PPP1R14C: variants seen among roughly 807,000 people sequenced by gnomAD.
The protein encoded by PPP1R14C is protein phosphatase 1 regulatory inhibitor subunit 14C, also known as protein phosphatase 1 regulatory subunit 14C.
A neutral mutation model predicts 20.4 loss-of-function variants in PPP1R14C; 16 were observed. The observed-to-expected ratio is 0.78, with a 90% CI of 0.53 to 1.19. The LOEUF is 1.19. PPP1R14C is among the 50% of genes most tolerant of loss of function. The probability of loss-of-function intolerance (pLI) is 0.00; values close to 1 mark genes in which losing one functional copy is unlikely to be tolerated. For synonymous variants in PPP1R14C, 91 were observed against 91.0 expected (o/e 1.00, Z 0.00); for missense variants, 211 against 220.1 (o/e 0.96, Z 0.26).
intron 3 of PPP1R14C, among the ~76,000 whole-genome samples, chr6:150,226,082 A>G (rs1287771650): frequency 6.7e-6 from 1 of 148,992 alleles, no homozygotes; most frequent in African/African-American, 2.5e-5. Flanking sequence ...CCCCATTTTG[A>G]TTCATATTCA....
intron 3 of PPP1R14C, among the ~76,000 whole-genome samples, chr6:150,247,023 A>T (rs1778500827): frequency 6.6e-6 from 1 of 152,198 alleles, no homozygotes; most frequent in South Asian, 2.1e-4. Flanking sequence ...CAGGTTTTCT[A>T]GAAAAAACAC....
In PPP1R14C at chr6:150,160,431, A is replaced by AT. The variant is rs71010884; in HGVS notation, c.306+16948dup. 4.8e-3 allele frequency among the ~76,000 whole-genome samples: 690 copies of AT among 142,776 alleles called. 5 individuals carry two copies. Among genetic ancestry groups the AT allele is most frequent in the Non-Finnish European group, 6.3e-3 (414 of 65,516 alleles). 93.7% of individuals were successfully genotyped at this position (142,776 alleles called of 152,430 possible). ...AGGTGCCGACCACCACACCCAGCTAATTTTTTTTTTTTTTTGTATTTTTAG... is the reference window on the plus strand; with the variant it reads ...AGGTGCCGACCACCACACCCAGCTAATTTTTTTTTTTTTTTTGTATTTTTAG... On this transcript the variant is annotated intron_variant, in intron 1 of 3. Transcript: ENST00000361131.
In PPP1R14C at chr6:150,143,086, C is replaced by T. The variant is rs1226166458; in HGVS notation, c.-107C>T. On this transcript the variant is annotated 5_prime_UTR_variant, in exon 1 of 4. Transcript: ENST00000361131. The surrounding 1 kb of genome is among the most constrained non-coding windows in gnomAD (Gnocchi z 5.6). ...GGGCGCGCGCGGCGCAGAGCAGGTG[C>T]CGGGGAGCCCTTCGCATGCGGCTGC... The T allele has an allele frequency of 3.6e-6, 4 of 1,117,860 alleles. No homozygotes were observed. Among genetic ancestry groups the T allele is most frequent in the Admixed American group, 5.0e-5 (1 of 20,088 alleles). The allele number at this position is 1,117,860 out of a possible 1,614,324, so 69.2% of individuals were successfully genotyped here.
intron 1 of PPP1R14C, among the ~76,000 whole-genome samples, chr6:150,175,358 G>A (rs1777550046): frequency 6.6e-6 from 1 of 152,158 alleles, no homozygotes; most frequent in Non-Finnish European, 1.5e-5. Context: ...TCTTAGCAGA[G>A]GTCACACATG....
intron 1 of PPP1R14C, among the ~76,000 whole-genome samples, chr6:150,170,283 A>G (rs1023211294): frequency 6.6e-6 from 1 of 151,990 alleles, no homozygotes; most frequent in African/African-American, 2.4e-5. Flanking sequence ...TGAATTCAAC[A>G]CATACTCATT....
rs4038164 is a variant in PPP1R14C at position 150,222,765 on chromosome 6, C to CTTTTTTTTTTTTTTT, written c.423+5919_423+5933dup. On this transcript the variant is annotated intron_variant, in intron 3 of 3. Transcript: ENST00000361131. Reference sequence around the variant, plus strand: ...AACATTTGAAGCCTTTTCAAACTGGCTTTTTTTTTTTTTTTTTTTTTTTTG... The same window carrying CTTTTTTTTTTTTTTT: ...AACATTTGAAGCCTTTTCAAACTGGCTTTTTTTTTTTTTTTTTTTTTTTTTTTTTTTTTTTTTTTG... Among the ~76,000 whole-genome samples, 10 of 71,278 alleles carry CTTTTTTTTTTTTTTT rather than the reference C, an allele frequency of 1.4e-4. 1 individual carries two copies. The highest frequency in any genetic ancestry group is 1.2e-4 in the Non-Finnish European group (5 of 42,342). The allele number at this position is 71,278 out of a possible 152,430, so 46.8% of individuals were successfully genotyped here.
intron 3 of PPP1R14C, among the ~76,000 whole-genome samples, chr6:150,235,982 GT>G (rs1291636599): frequency 1.3e-5 from 2 of 152,106 alleles, no homozygotes; most frequent in Non-Finnish European, 2.9e-5. Flanking sequence ...TTTTAGTTTA[GT>G]TTGTAATTAG....
intron 1 of PPP1R14C, among the ~76,000 whole-genome samples, chr6:150,181,095 G>A (rs1197434396): frequency 2.0e-5 from 3 of 152,156 alleles, no homozygotes. Flanking sequence ...GCTGCCTTTG[G>A]AAGTGTGGTA....
chr6:150,186,710 G>C (rs1052617146), intron 1 of PPP1R14C, among the ~76,000 whole-genome samples: 1 of 152,194 alleles, frequency 6.6e-6, no homozygotes, highest in Non-Finnish European at 1.5e-5. Context: ...ATGACCTGAA[G>C]CTGGGGACGG....
intron 1 of PPP1R14C, among the ~76,000 whole-genome samples, chr6:150,154,189 C>T (rs575639215): frequency 1.3e-5 from 2 of 152,198 alleles, no homozygotes; most frequent in Non-Finnish European, 2.9e-5. Context: ...CTAAAAACAA[C>T]TTACTTATCT....
chr6:150,143,459 A>T lies in PPP1R14C; in HGVS notation c.267A>T (p.Glu89Asp), dbSNP rs1347635102. 16 of 1,432,470 alleles carry T rather than the reference A, an allele frequency of 1.1e-5. No individual in the cohort carries two copies. Among genetic ancestry groups the T allele is most frequent in the Non-Finnish European group, 1.4e-5 (15 of 1,066,626 alleles). The allele number at this position is 1,432,470 out of a possible 1,614,324, so 88.7% of individuals were successfully genotyped here. A position where few individuals can be genotyped will look rare whatever the true frequency, so the allele number is the denominator to read the frequency against. The stretch of plus-strand genomic sequence containing the variant: ...TTCGGAAGCGGCTGGTGCTGGAGGA[A>T]TGGATCGTGGAGCAGCTGGGTCAGC... ...KELRKRLVLE[E>D]WIVEQLGQLY... Residue 89 changes from glutamate (E) to aspartate (D), a missense_variant, in exon 1 of 4, where the codon GAA (glutamate) becomes GAT (aspartate). By Grantham distance (45) the Glu-to-Asp change is conservative (BLOSUM62 2). Transcript: ENST00000361131. This position sits in a 1 kb window ranked among gnomAD's most constrained non-coding sequence, Gnocchi z 5.6.
intron 3 of PPP1R14C, among the ~76,000 whole-genome samples, chr6:150,227,173 T>G (rs1389361330): frequency 1.3e-5 from 2 of 152,210 alleles, no homozygotes; most frequent in Non-Finnish European, 2.9e-5. Flanking sequence ...AGAGAGAATA[T>G]AAGTGGTATT....
chr6:150,219,676 G>A (rs1778143484), intron 3 of PPP1R14C, among the ~76,000 whole-genome samples: 1 of 152,106 alleles, frequency 6.6e-6, no homozygotes, highest in African/African-American at 2.4e-5. Flanking sequence ...ACAACAATCT[G>A]GAGAAGTTTT....
intron 1 of PPP1R14C, among the ~76,000 whole-genome samples, chr6:150,161,991 T>C (rs939242066): frequency 6.6e-6 from 1 of 152,166 alleles, no homozygotes; most frequent in African/African-American, 2.4e-5. Context: ...TACAGAACAG[T>C]TGCACCCCCT....
chr6:150,174,424 G>A (rs75199398), intron 1 of PPP1R14C, among the ~76,000 whole-genome samples: 2 of 149,574 alleles, frequency 1.3e-5, no homozygotes, highest in Non-Finnish European at 3.0e-5. Flanking sequence ...CACCGTGTTA[G>A]CCAGGATGGT....
rs1562279655 is a variant in PPP1R14C, at chr6:150,248,741, T to C, written c.424-5T>C. 1 of 1,602,510 alleles carries C rather than the reference T, an allele frequency of 6.2e-7. No individual in the cohort carries two copies. Among genetic ancestry groups the C allele is most frequent in the Non-Finnish European group, 8.5e-7 (1 of 1,169,866 alleles). On this transcript the variant is annotated splice_polypyrimidine_tract_variant and splice_region_variant and intron_variant, in intron 3 of 3. Transcript: ENST00000361131. ...CTCATATTAACTTCTTCTGATCTCT[T>C]TTAGGAATTTATCAAAGAGCTGCTT...
At chr6:150,244,316 G>A (rs6912211) in intron 3 of PPP1R14C, among the ~76,000 whole-genome samples, 168 of 152,268 alleles carry the variant, frequency 1.1e-3, no homozygotes, top group Non-Finnish European at 1.4e-3. Context: ...CATTGCACTT[G>A]ACTTAGGTGA....
At chr6:150,161,594 C>T (rs1361859982) in intron 1 of PPP1R14C, among the ~76,000 whole-genome samples, 3 of 152,248 alleles carry the variant, frequency 2.0e-5, no homozygotes, top group South Asian at 2.1e-4. Flanking sequence ...TCCCACCATC[C>T]GTATCCATTC....
At chr6:150,226,207 C>G (rs1336166940) in intron 3 of PPP1R14C, among the ~76,000 whole-genome samples, 1 of 152,170 alleles carries the variant, frequency 6.6e-6, no homozygotes, top group East Asian at 1.9e-4. Context: ...GAGCACCTCA[C>G]TAATGTATGA....
Sources: allele counts gnomAD v4.1 joint callset (sites outside exome capture counted in the v4.1 genomes callset), GRCh38; gene constraint gnomAD v4.1.1; non-coding constraint Gnocchi (gnomAD v3.1); transcripts MANE v1.5; gene names NCBI Gene and HGNC (gene_info 2026-07-23, HGNC 2026-07-21).